Variants in SMOC2 observed in about 807,000 individuals in gnomAD.
The protein encoded by SMOC2 is SPARC related modular calcium binding 2, also known as SPARC-related modular calcium-binding protein 2.
Under a neutral mutation model 61.4 loss-of-function variants are expected in SMOC2, and 39 were observed. That is an observed-to-expected ratio of 0.64 (90% CI 0.49 to 0.83). The LOEUF is 0.83. SMOC2 is among the 40% of genes least tolerant of loss of function. The pLI, the probability that SMOC2 is intolerant of heterozygous loss-of-function variation, is 0.00. For synonymous variants in SMOC2, 247 were observed against 239.9 expected, an observed-to-expected ratio of 1.03 and a Z score of -0.27; for missense variants, 556 against 592.9, an observed-to-expected ratio of 0.94 and a Z score of 0.65.
intron 1 of SMOC2, among the ~76,000 whole-genome samples, chr6:168,444,353 T>C (rs1562532958): frequency 1.3e-5 from 2 of 152,226 alleles, no homozygotes; most frequent in Admixed American, 6.5e-5. Context: ...TCACCTATGG[T>C]GAGTGTGCTT....
At chr6:168,543,755 A>G in intron 5 of SMOC2, 83 bp downstream of exon 5, 1 of 1,299,032 alleles carries the variant, frequency 7.7e-7, no homozygotes, top group African/African-American at 1.5e-5. Context: ...TAAAGTTGAA[A>G]CATCCACTAG....
intron 11 of SMOC2, among the ~76,000 whole-genome samples, chr6:168,656,526 A>AAAAG (rs1787328168): frequency 1.7e-4 from 21 of 120,032 alleles, no homozygotes; most frequent in Admixed American, 3.6e-4. Context: ...AAAAAAAAAA[A>AAAAG]AAAAGAAAAG....
At chr6:168,629,279 C>A (rs1428766028) in intron 9 of SMOC2, among the ~76,000 whole-genome samples, 1 of 152,258 alleles carries the variant, frequency 6.6e-6, no homozygotes, top group Non-Finnish European at 1.5e-5. Flanking sequence ...TCATCGCCCC[C>A]AAGTGCCCTC....
At chr6:168,642,144 C>T (rs945106042) in intron 9 of SMOC2, among the ~76,000 whole-genome samples, 5 of 152,112 alleles carry the variant, frequency 3.3e-5, no homozygotes, top group African/African-American at 9.7e-5. Context: ...GAGCAGTGAA[C>T]GATTCCTGAA....
At chr6:168,579,378 C>A (rs1036290039) in intron 7 of SMOC2, among the ~76,000 whole-genome samples, 2 of 152,228 alleles carry the variant, frequency 1.3e-5, no homozygotes, top group Non-Finnish European at 2.9e-5. Flanking sequence ...TTGTCAGCGT[C>A]GCTTTTATTT....
At chr6:168,597,736 G>A (rs938709919) in intron 7 of SMOC2, among the ~76,000 whole-genome samples, 1 of 152,240 alleles carries the variant, frequency 6.6e-6, no homozygotes, top group African/African-American at 2.4e-5. Flanking sequence ...CCTTCAGGCT[G>A]AGCAGAGAGG....
At chr6:168,527,765 G>A in intron 4 of SMOC2, 38 bp downstream of exon 4, 2 of 1,376,450 alleles carry the variant, frequency 1.5e-6, no homozygotes, top group Non-Finnish European at 1.0e-6. Context: ...AAGGCTTGAA[G>A]GGAATTGGTT....
At chr6:168,547,200 G>C in intron 6 of SMOC2, 31 bp downstream of exon 6, 1 of 1,606,276 alleles carries the variant, frequency 6.2e-7, no homozygotes, top group Non-Finnish European at 8.5e-7. Context: ...CACAGTCTGG[G>C]TTGGGGAGGA....
intron 8 of SMOC2, among the ~76,000 whole-genome samples, chr6:168,600,442 A>C (rs997377296): frequency 2.2e-4 from 29 of 128,988 alleles, no homozygotes; most frequent in African/African-American, 8.4e-4. Context: ...AACAAAAAAA[A>C]AAACAGTAGT....
Position 168,667,685 on chromosome 6 carries a change from G to A in SMOC2, c.*1247G>A, listed in dbSNP as rs929558996. The A allele has an allele frequency of 6.6e-6, 1 of 152,210 alleles. No individual in the cohort carries two copies. Among genetic ancestry groups the A allele is most frequent in the African/African-American group, 2.4e-5 (1 of 41,452 alleles). 9.4% of individuals were successfully genotyped at this position (152,210 alleles called of 1,614,324 possible). On this transcript the variant is annotated 3_prime_UTR_variant, in exon 13 of 13. Transcript: ENST00000356284. The stretch of plus-strand genomic sequence containing the variant: ...AGTCTGAGAGCAGGAACTTCAAGCT[G>A]TGATTCTATCTCGGCTCAGACTTTT...
chr6:168,649,314 G>A (rs1329289953), intron 9 of SMOC2, among the ~76,000 whole-genome samples: 1 of 152,190 alleles, frequency 6.6e-6, no homozygotes, highest in Non-Finnish European at 1.5e-5. Flanking sequence ...CCTTCCTGCT[G>A]TGGTGAGGAC....
chr6:168,625,426 G>A (rs970483342), intron 9 of SMOC2, among the ~76,000 whole-genome samples: 1 of 152,222 alleles, frequency 6.6e-6, no homozygotes, highest in Non-Finnish European at 1.5e-5. Context: ...GCCCAGAGAG[G>A]TTCAGGACTC....
At chr6:168,543,831 G>A (rs1239848553) in intron 5 of SMOC2, among the ~76,000 whole-genome samples, 159 bp downstream of exon 5, 1 of 152,162 alleles carries the variant, frequency 6.6e-6, no homozygotes, top group Non-Finnish European at 1.5e-5. Context: ...ATTCACTCAC[G>A]ATCACCAGCT....
intron 1 of SMOC2, among the ~76,000 whole-genome samples, chr6:168,468,230 G>A (rs1159978784): frequency 2.6e-5 from 4 of 152,180 alleles, no homozygotes; most frequent in East Asian, 1.9e-4. Flanking sequence ...GACACAGGGC[G>A]CTGCGGGTTC....
At chr6:168,568,897 T>G (rs190103307) in intron 7 of SMOC2, among the ~76,000 whole-genome samples, 76 of 152,372 alleles carry the variant, frequency 5.0e-4, no homozygotes, top group Admixed American at 3.5e-3. Flanking sequence ...TCATATCTTC[T>G]TAGTGCTGAA....
chr6:168,556,317 C>T (rs1260897956), intron 7 of SMOC2, among the ~76,000 whole-genome samples: 1 of 152,174 alleles, frequency 6.6e-6, no homozygotes, highest in African/African-American at 2.4e-5. Context: ...TCCTTGTTGC[C>T]CACATGGGGT....
intron 1 of SMOC2, among the ~76,000 whole-genome samples, chr6:168,476,547 T>C (rs546371970): frequency 6.6e-6 from 1 of 152,054 alleles, no homozygotes; most frequent in Admixed American, 6.5e-5. Context: ...TATTTGTATT[T>C]TAAAATATTT....
chr6:168,500,996 A>G (rs755868992), intron 1 of SMOC2, among the ~76,000 whole-genome samples: 1 of 152,180 alleles, frequency 6.6e-6, no homozygotes, highest in Non-Finnish European at 1.5e-5. Context: ...GAGAGGGGGA[A>G]GTTCAGCTGT....
Position 168,469,249 on chromosome 6 carries a change from C to T in SMOC2, c.84+27795C>T, listed in dbSNP as rs182703136. Among the ~76,000 whole-genome samples, 843 of 152,310 alleles carry T rather than the reference C, an allele frequency of 5.5e-3. 7 individuals are homozygous for T. The highest frequency in any genetic ancestry group is 0.018 in the African/African-American group (761 of 41,574). Reference sequence around the variant, plus strand: ...CCTTCCAGGGCCTTGCCACTGCTCCCTGAAGGAAACCTGTTGGGAAGGAGC... The same window carrying T: ...CCTTCCAGGGCCTTGCCACTGCTCCTTGAAGGAAACCTGTTGGGAAGGAGC... On this transcript the variant is annotated intron_variant, in intron 1 of 12. Transcript: ENST00000356284.
Sources: gnomAD v4.1 joint callset for allele counts (sites outside exome capture counted in the v4.1 genomes callset) on GRCh38, gnomAD v4.1.1 for gene constraint, MANE v1.5 for transcripts, NCBI Gene and HGNC (gene_info 2026-07-23, HGNC 2026-07-21) for gene names.